Variants in HTR2A observed in about 807,000 individuals in gnomAD.
The protein encoded by HTR2A is 5-HT2 receptor.
Under a neutral mutation model 31.0 loss-of-function variants are expected in HTR2A, and 14 were observed. The ratio of observed to expected loss-of-function variants is 0.45; its 90% CI spans 0.30 to 0.71. The LOEUF (loss-of-function observed/expected upper bound fraction) is 0.71, where lower values mean the gene tolerates loss of function less well. HTR2A is among the 30% of genes least tolerant of loss of function. The pLI is 0.09. For missense variants in HTR2A, 442 were observed against 573.3 expected (o/e 0.77, Z 2.34); for synonymous variants, 209 against 225.2 (o/e 0.93, Z 0.64).
chr13:46,886,881 A>G (rs1169191644), intron 3 of HTR2A, among the ~76,000 whole-genome samples: 1 of 152,232 alleles, frequency 6.6e-6, no homozygotes, highest in African/African-American at 2.4e-5. Flanking sequence ...GAGCTCCTCA[A>G]AATGGAGAAC....
rs975678551 is a variant in HTR2A, at chr13:46,832,179, T to C, written c.*2658A>G. 6.6e-6 allele frequency: 1 copy of C among 152,262 alleles called. No individual in the cohort carries two copies. Among genetic ancestry groups the C allele is most frequent in the Non-Finnish European group, 1.5e-5 (1 of 68,040 alleles). 9.4% of individuals were successfully genotyped at this position (152,262 alleles called of 1,614,324 possible). A position where few individuals can be genotyped will look rare whatever the true frequency, so the allele number is the denominator to read the frequency against. On this transcript the variant is annotated 3_prime_UTR_variant, in exon 4 of 4. Transcript: ENST00000542664. The stretch of plus-strand genomic sequence containing the variant: ...ATTTCCAGTTTATTTAAAGAGCTGA[T>C]ATTTTTGTTACACTTTAATCTGCTT...
chr13:46,873,541 C>T (rs945514027), intron 3 of HTR2A, among the ~76,000 whole-genome samples: 6 of 151,644 alleles, frequency 4.0e-5, no homozygotes, highest in Admixed American at 2.0e-4. Flanking sequence ...TGGTGTGCTG[C>T]ACCCATTAAC....
At chr13:46,842,577 A>G (rs76703096) in intron 3 of HTR2A, among the ~76,000 whole-genome samples, 7,394 of 152,176 alleles carry the variant, frequency 0.049, 278 homozygotes, top group East Asian at 0.14. Flanking sequence ...CTTTTCCATC[A>G]TATTACACAA....
rs754457998 is a variant in HTR2A at position 46,835,256 on chromosome 13, C to T, written c.997G>A (p.Val333Met). The change falls in exon 4 of 4, where the codon GTG becomes ATG. Residue 333 changes from valine (V) to methionine (M), a missense_variant. Val to Met is a conservative substitution (Grantham distance 21). Around this residue, in one of 5 missense-constraint regions of HTR2A, gnomAD observed 174 missense variants for 195.1 expected, o/e 0.89. Coordinates refer to ENST00000542664, the MANE Select transcript of HTR2A (RefSeq NM_000621.5). ...KVLGIVFFLFVVMWCPFFITN... is the reference protein window; with the variant it reads ...KVLGIVFFLFMVMWCPFFITN... ...ATGAAGAAAGGGCACCACATCACCA[C>T]AAACAGGAAGAAGACGATGCCCAGC... The T allele has an allele frequency of 2.5e-6, 4 of 1,614,118 alleles. No homozygotes were observed. The highest frequency in any genetic ancestry group is 2.2e-5 in the East Asian group (1 of 44,866).
chr13:46,852,731 G>A (rs1396629464), intron 3 of HTR2A, among the ~76,000 whole-genome samples: 1 of 152,166 alleles, frequency 6.6e-6, no homozygotes, highest in Non-Finnish European at 1.5e-5. Flanking sequence ...TCCTTGGCCT[G>A]TCCACATACA....
chr13:46,852,611 C>T lies in HTR2A; in HGVS notation c.614-16972G>A, dbSNP rs1053744572. ...GATAATTGTTCTATGATATGAGGAGCGGCATTGCATGCAGTATATTTCTTT... is the reference window on the plus strand; with the variant it reads ...GATAATTGTTCTATGATATGAGGAGTGGCATTGCATGCAGTATATTTCTTT... On this transcript the variant is annotated intron_variant, in intron 3 of 3. Transcript: ENST00000542664. Among the ~76,000 whole-genome samples, 30 of 152,314 alleles carry T rather than the reference C, an allele frequency of 2.0e-4. 1 individual carries two copies. The highest frequency in any genetic ancestry group is 1.2e-3 in the South Asian group (6 of 4,824).
rs7981633 is a variant in HTR2A, at chr13:46,866,693, T to G, written c.613+25697A>C. 9.7e-3 allele frequency among the ~76,000 whole-genome samples: 1,473 copies of G among 152,274 alleles called. 25 individuals are homozygous for G. Among genetic ancestry groups the G allele is most frequent in the African/African-American group, 0.034 (1,408 of 41,550 alleles). ...AATTTACATTTTCAGCAAGAGGAAC[T>G]GAAAATAAACATAATAAATGCTTTA... On this transcript the variant is annotated intron_variant, in intron 3 of 3. Transcript: ENST00000542664.
chr13:46,883,828 G>A (rs1222803434), intron 3 of HTR2A, among the ~76,000 whole-genome samples: 1 of 152,136 alleles, frequency 6.6e-6, no homozygotes, highest in Non-Finnish European at 1.5e-5. Context: ...TCAATCTCCT[G>A]TCATTGCTGC....
intron 3 of HTR2A, among the ~76,000 whole-genome samples, chr13:46,858,565 G>C (rs1187893523): frequency 6.6e-6 from 1 of 152,130 alleles, no homozygotes; most frequent in Non-Finnish European, 1.5e-5. Flanking sequence ...GATCATATTT[G>C]GGTTTTAGGA....
At chr13:46,887,639 A>T (rs1017849825) in intron 3 of HTR2A, among the ~76,000 whole-genome samples, 1 of 152,082 alleles carries the variant, frequency 6.6e-6, no homozygotes, top group African/African-American at 2.4e-5. Context: ...AAAAACCTGG[A>T]ATTTATAAAG....
In HTR2A at chr13:46,895,359, ATAG is replaced by A. The variant is rs1951092891; in HGVS notation, c.412+133_412+135del. ...ATTTTAAGAGTAAAATATAAGTAAC[ATAG>A]TAGGCTCTAGTCTATAAACAAAGAC... On this transcript the variant is annotated intron_variant, in intron 2 of 3. Transcript: ENST00000542664. This position sits in a 1 kb window ranked among gnomAD's most constrained non-coding sequence, Gnocchi z 4.4. 3 of 725,874 alleles carry A rather than the reference ATAG, an allele frequency of 4.1e-6. No homozygotes were observed. The highest frequency in any genetic ancestry group is 5.9e-5 in the Admixed American group (2 of 34,048). 45.0% of individuals were successfully genotyped at this position (725,874 alleles called of 1,614,324 possible).
chr13:46,838,408 T>TAGC (rs1188224473), intron 3 of HTR2A, among the ~76,000 whole-genome samples: 1 of 152,180 alleles, frequency 6.6e-6, no homozygotes, highest in Admixed American at 6.6e-5. Flanking sequence ...GCAGAGCACC[T>TAGC]AGCACAGCAC....
intron 3 of HTR2A, among the ~76,000 whole-genome samples, chr13:46,842,542 G>A (rs1023378577): frequency 5.9e-5 from 9 of 152,060 alleles, no homozygotes; most frequent in South Asian, 2.1e-4. Flanking sequence ...CTCCAGCCTC[G>A]CTTGTATGCA....
intron 3 of HTR2A, among the ~76,000 whole-genome samples, chr13:46,880,714 C>T (rs1252274168): frequency 6.6e-6 from 1 of 152,046 alleles, no homozygotes; most frequent in African/African-American, 2.4e-5. Flanking sequence ...TGGCGGGCAC[C>T]TGTAATCCCA....
rs749521476 is a variant in HTR2A, at chr13:46,835,366, T to C, written c.887A>G (p.Gln296Arg). 5 of 1,613,922 alleles carry C rather than the reference T, an allele frequency of 3.1e-6. No individual in the cohort carries two copies. The Admixed American group carries it at 8.3e-5, about 27-fold the overall frequency. Residue 296 changes from glutamine (Q) to arginine (R), a missense_variant, in exon 4 of 4, where the codon CAG becomes CGG. Gln to Arg is a conservative substitution (Grantham distance 43). Transcript: ENST00000542664. Reference sequence around the variant, plus strand: ...CCCTGGCTCCCTATGGATCGACCGCTGGAAGAGCTTTTCTGAAGACAAAGA... The same window carrying C: ...CCCTGGCTCCCTATGGATCGACCGCCGGAAGAGCTTTTCTGAAGACAAAGA... ...QSSLSSEKLF[Q>R]RSIHREPGSY...
chr13:46,877,626 G>C (rs1220734270), intron 3 of HTR2A, among the ~76,000 whole-genome samples: 1 of 152,120 alleles, frequency 6.6e-6, no homozygotes, highest in Non-Finnish European at 1.5e-5. Flanking sequence ...TTGTACTCAA[G>C]ATGAAGTACA....
In HTR2A at chr13:46,834,565, A is replaced by G. The variant is rs1012196644; in HGVS notation, c.*272T>C. 1 of 386,044 alleles carries G rather than the reference A, an allele frequency of 2.6e-6. No homozygotes were observed. Among genetic ancestry groups the G allele is most frequent in the Non-Finnish European group, 4.6e-6 (1 of 215,914 alleles). The allele number at this position is 386,044 out of a possible 1,614,324, so 23.9% of individuals were successfully genotyped here. ...TTACTTAGGGCTTCATAATTATACA[A>G]TAAAAGTGAATCATTTTAAAGACAT... On this transcript the variant is annotated 3_prime_UTR_variant, in exon 4 of 4. Transcript: ENST00000542664.
Position 46,896,053 on chromosome 13 carries a change from T to G in HTR2A, c.-147A>C. ...CCCGGGGCTGGATTTTTGTCTTCCA[T>G]TATTACAATGATAGTTAAAGAACTG... is the stretch of plus-strand genomic sequence containing the variant. On this transcript the variant is annotated 5_prime_UTR_variant, in exon 2 of 4. It removes an upstream start codon present in the reference 5' UTR. Coordinates refer to ENST00000542664, the MANE Select transcript of HTR2A (RefSeq NM_000621.5). 7.1e-7 allele frequency: 1 copy of G among 1,407,988 alleles called. No homozygotes were observed. The highest frequency in any genetic ancestry group is 9.2e-7 in the Non-Finnish European group (1 of 1,088,262). 87.2% of individuals were successfully genotyped at this position (1,407,988 alleles called of 1,614,324 possible).
intron 3 of HTR2A, among the ~76,000 whole-genome samples, chr13:46,887,710 G>A (rs1951018479): frequency 6.6e-6 from 1 of 152,166 alleles, no homozygotes; most frequent in Non-Finnish European, 1.5e-5. Flanking sequence ...AACAAGAGAT[G>A]GGTCTTAGGC....
Sources: gnomAD v4.1 joint callset for allele counts (sites outside exome capture counted in the v4.1 genomes callset) on GRCh38, gnomAD v4.1.1 for gene constraint, gnomAD v4.1.1 regional missense constraint, Gnocchi (gnomAD v3.1) non-coding constraint, MANE v1.5 for transcripts, NCBI Gene and HGNC (gene_info 2026-07-23, HGNC 2026-07-21) for gene names.